JAKMIP2: variants seen among roughly 807,000 people sequenced by gnomAD.
JAKMIP2 encodes the protein janus kinase and microtubule-interacting protein 2.
In JAKMIP2, 25 loss-of-function variants were observed where a neutral mutation model predicts 115.0. The observed-to-expected ratio is 0.22, with a 90% CI of 0.16 to 0.30. The LOEUF (loss-of-function observed/expected upper bound fraction) is 0.30, where lower values mean the gene tolerates loss of function less well. Ranked by LOEUF, JAKMIP2 falls within the 10% of genes least tolerant of loss-of-function variation. The pLI is 1.00. For missense variants in JAKMIP2, 642 were observed against 957.6 expected (o/e 0.67, Z 4.35); for synonymous variants, 334 against 343.6 (o/e 0.97, Z 0.31).
intron 11 of JAKMIP2, 26 bp downstream of exon 11, chr5:147,636,939 A>G: frequency 1.1e-6 from 1 of 872,774 alleles, no homozygotes; most frequent in Non-Finnish European, 2.0e-6. Flanking sequence ...CTGCATCTGC[A>G]GAAGAGCTAG....
At position 147,690,539 on chromosome 5, in the gene JAKMIP2, T is replaced by TTA. The variant is rs58086292; in HGVS notation, c.-148-18587_-148-18586dup. Among the ~76,000 whole-genome samples, 598 of 91,996 alleles carry TTA rather than the reference T, an allele frequency of 6.5e-3. 1 individual carries two copies. The highest frequency in any genetic ancestry group is 9.7e-3 in the Non-Finnish European group (425 of 43,662). 60.4% of individuals were successfully genotyped at this position (91,996 alleles called of 152,430 possible). On this transcript the variant is annotated intron_variant, in intron 1 of 21. Transcript: ENST00000616793. Reference sequence around the variant, plus strand: ...TCATTCATGTAAAAAACTAAAGAGATTATATATATATATATATATATATAT... The same window carrying TTA: ...TCATTCATGTAAAAAACTAAAGAGATTATATATATATATATATATATATATAT...
At chr5:147,720,713 C>T (rs1753236602) in intron 1 of JAKMIP2, among the ~76,000 whole-genome samples, 1 of 149,878 alleles carries the variant, frequency 6.7e-6, no homozygotes, top group South Asian at 2.1e-4. Flanking sequence ...CTCCTTTAAG[C>T]ACTTCTCTGT....
chr5:147,712,996 G>A (rs1268853968), intron 1 of JAKMIP2, among the ~76,000 whole-genome samples: 5 of 152,124 alleles, frequency 3.3e-5, no homozygotes, highest in Admixed American at 3.3e-4. Flanking sequence ...AATATGTTAA[G>A]GGAAGGGAGG....
intron 1 of JAKMIP2, among the ~76,000 whole-genome samples, chr5:147,739,154 A>G (rs1041223244): frequency 3.3e-5 from 5 of 152,018 alleles, no homozygotes; most frequent in African/African-American, 1.2e-4. Flanking sequence ...AAAGCTTAAT[A>G]TGGGTCTCCC....
At chr5:147,623,826 T>G in intron 16 of JAKMIP2, 137 bp from the exon 17 acceptor site, 1 of 540,276 alleles carries the variant, frequency 1.9e-6, no homozygotes. Context: ...AACAACACCT[T>G]TTTTTGCTTG....
chr5:147,695,647 G>GGTGT (rs747518655), intron 1 of JAKMIP2, among the ~76,000 whole-genome samples: 1 of 129,056 alleles, frequency 7.7e-6, no homozygotes, highest in Non-Finnish European at 1.6e-5. Context: ...GGAAGTGAAA[G>GGTGT]GTCTGTGTGT....
At chr5:147,629,597 C>A in intron 15 of JAKMIP2, 96 bp downstream of exon 15, 1 of 796,412 alleles carries the variant, frequency 1.3e-6, no homozygotes, top group South Asian at 1.6e-5. Context: ...GAAATGGCAT[C>A]TCACTTGCTC....
chr5:147,610,635 A>G (rs1002226450), intron 20 of JAKMIP2, among the ~76,000 whole-genome samples: 4 of 152,172 alleles, frequency 2.6e-5, no homozygotes, highest in African/African-American at 4.8e-5. Flanking sequence ...CCTGGGAGGT[A>G]TCTCCCAGTC....
At chr5:147,685,618 A>C (rs574166345) in intron 1 of JAKMIP2, among the ~76,000 whole-genome samples, 2 of 152,340 alleles carry the variant, frequency 1.3e-5, no homozygotes, top group Non-Finnish European at 2.9e-5. Context: ...GAGGGAAAGC[A>C]GTACCATCTT....
At position 147,691,853 on chromosome 5, in the gene JAKMIP2, T is replaced by C. The variant is rs1580789538; in HGVS notation, c.-148-19899A>G. Among the ~76,000 whole-genome samples, 3 of 152,088 alleles carry C rather than the reference T, an allele frequency of 2.0e-5. No homozygotes were observed. The East Asian group carries it at 5.8e-4, about 29-fold the overall frequency. ...CGCCGTGGGTGACTCCTTGAGACTT[T>C]TTGCTCCTGTGTTTCCCTGTGCATG... On this transcript the variant is annotated intron_variant, in intron 1 of 21. Coordinates refer to ENST00000616793, the MANE Select transcript of JAKMIP2 (RefSeq NM_001270941.2).
intron 1 of JAKMIP2, among the ~76,000 whole-genome samples, chr5:147,684,597 G>A (rs1280844658): frequency 6.6e-6 from 1 of 152,152 alleles, no homozygotes; most frequent in Non-Finnish European, 1.5e-5. Flanking sequence ...GGTATGGAAA[G>A]TTTAATCTGA....
intron 2 of JAKMIP2, among the ~76,000 whole-genome samples, chr5:147,662,334 C>T (rs922704892): frequency 6.6e-6 from 1 of 152,090 alleles, no homozygotes; most frequent in South Asian, 2.1e-4. Flanking sequence ...CCCTTCCTGC[C>T]CCACAAGCCA....
intron 1 of JAKMIP2, among the ~76,000 whole-genome samples, chr5:147,759,760 G>C (rs762967148): frequency 2.6e-5 from 4 of 152,114 alleles, no homozygotes; most frequent in Non-Finnish European, 4.4e-5. Context: ...ATGAGGAAGA[G>C]ATCAGGAGAG....
intron 19 of JAKMIP2, among the ~76,000 whole-genome samples, chr5:147,614,292 G>A (rs1305158113): frequency 6.6e-6 from 1 of 152,164 alleles, no homozygotes; most frequent in Non-Finnish European, 1.5e-5. Context: ...GAAAAAAACT[G>A]AATAACTTTG....
chr5:147,715,362 G>T (rs1436687069), intron 1 of JAKMIP2, among the ~76,000 whole-genome samples: 1 of 151,340 alleles, frequency 6.6e-6, no homozygotes, highest in Admixed American at 6.6e-5. Context: ...ATAGAAATTG[G>T]CATACCAGGA....
chr5:147,646,950 G>A (rs749048321), intron 5 of JAKMIP2, among the ~76,000 whole-genome samples: 3 of 151,646 alleles, frequency 2.0e-5, no homozygotes, highest in Non-Finnish European at 4.4e-5. Context: ...TCTTTTGGGA[G>A]AACAAGCAGA....
intron 1 of JAKMIP2, among the ~76,000 whole-genome samples, chr5:147,675,177 A>G (rs955594762): frequency 2.0e-5 from 3 of 152,290 alleles, no homozygotes; most frequent in Non-Finnish European, 2.9e-5. Flanking sequence ...TATGTGCCGG[A>G]CTTTATATAT....
chr5:147,589,421 T>C lies in JAKMIP2; in HGVS notation c.*2286A>G, dbSNP rs1194348543. 2 of 138,598 alleles carry C rather than the reference T, an allele frequency of 1.4e-5. No individual in the cohort carries two copies. The highest frequency in any genetic ancestry group is 5.6e-5 in the African/African-American group (2 of 36,022). The allele number at this position is 138,598 out of a possible 1,614,324, so 8.6% of individuals were successfully genotyped here. ...GAGATTGTGCCAATGCACTCCAGCA[T>C]GGGCAACAGAGCAAGACTCCATCTC... is the stretch of plus-strand genomic sequence containing the variant. On this transcript the variant is annotated 3_prime_UTR_variant, in exon 22 of 22. Transcript: ENST00000616793.
At chr5:147,761,696 G>T (rs1162439466) in intron 1 of JAKMIP2, among the ~76,000 whole-genome samples, 3 of 152,010 alleles carry the variant, frequency 2.0e-5, no homozygotes, top group Non-Finnish European at 2.9e-5. Context: ...GTGTATTATT[G>T]GCACTTAACA....
Sources: allele counts gnomAD v4.1 joint callset (sites outside exome capture counted in the v4.1 genomes callset), GRCh38; gene constraint gnomAD v4.1.1; transcripts MANE v1.5; gene names NCBI Gene and HGNC (gene_info 2026-07-23, HGNC 2026-07-21).